STAU2: variants seen among roughly 807,000 people sequenced by gnomAD.
STAU2 encodes double-stranded RNA-binding protein Staufen homolog 2.
Under a neutral mutation model 65.9 loss-of-function variants are expected in STAU2, and 20 were observed. The ratio of observed to expected loss-of-function variants is 0.30; its 90% CI spans 0.21 to 0.44. STAU2 has a LOEUF of 0.44. Ranked by LOEUF, STAU2 falls within the 20% of genes least tolerant of loss-of-function variation. The pLI is 1.00. For missense variants in STAU2, 558 were observed against 683.9 expected, an observed-to-expected ratio of 0.82 and a Z score of 2.05; for synonymous variants, 232 against 233.9, an observed-to-expected ratio of 0.99 and a Z score of 0.07.
intron 13 of STAU2, among the ~76,000 whole-genome samples, chr8:73,496,500 T>C (rs189432471): frequency 2.0e-4 from 31 of 151,822 alleles, no homozygotes; most frequent in African/African-American, 5.3e-4. Context: ...TTATAAGTTG[T>C]ACATGTTTAG....
At chr8:73,677,983 C>CTTGCTTTACATTATATGCCT (rs889631144) in intron 5 of STAU2, among the ~76,000 whole-genome samples, 3 of 152,110 alleles carry the variant, frequency 2.0e-5, no homozygotes, top group South Asian at 2.1e-4. Context: ...ATTAACTGCT[C>CTTGCTTTACATTATATGCCT]TTGCTTTACA....
At chr8:73,684,142 C>T (rs927705373) in intron 5 of STAU2, among the ~76,000 whole-genome samples, 3 of 152,078 alleles carry the variant, frequency 2.0e-5, no homozygotes, top group Non-Finnish European at 4.4e-5. Context: ...AAAGAGCCCA[C>T]ATAACTAAAG....
At chr8:73,692,883 G>T (rs1048172293) in intron 4 of STAU2, among the ~76,000 whole-genome samples, 2 of 152,232 alleles carry the variant, frequency 1.3e-5, no homozygotes, top group African/African-American at 4.8e-5. Flanking sequence ...GTTACAGCCA[G>T]GTGTGGTGGC....
chr8:73,558,357 G>A (rs139363022), intron 12 of STAU2, among the ~76,000 whole-genome samples: 12 of 152,156 alleles, frequency 7.9e-5, no homozygotes, highest in African/African-American at 2.7e-4. Flanking sequence ...AGTTGCCAGG[G>A]ACTGTGATAT....
At chr8:73,615,541 T>C in intron 8 of STAU2, 134 bp downstream of exon 8, 1 of 621,274 alleles carries the variant, frequency 1.6e-6, no homozygotes, top group Non-Finnish European at 2.8e-6. Flanking sequence ...CCTAGATCAT[T>C]TCATAATACT....
chr8:73,603,103 A>T lies in STAU2; in HGVS notation c.1029+623T>A, dbSNP rs200456873. Among the ~76,000 whole-genome samples, 33 of 152,326 alleles carry T rather than the reference A, an allele frequency of 2.2e-4. No individual in the cohort carries two copies. In the East Asian group the frequency reaches 4.0e-3, roughly 19 times the overall value. On this transcript the variant is annotated intron_variant, in intron 10 of 14. Transcript: ENST00000524300. Reference sequence around the variant, plus strand: ...AAAAAAGTAAAAGAAAAATTTCTTAAGACTGGAGTTTGAGCTGGCAAATGA... The same window carrying T: ...AAAAAAGTAAAAGAAAAATTTCTTATGACTGGAGTTTGAGCTGGCAAATGA...
intron 6 of STAU2, among the ~76,000 whole-genome samples, chr8:73,649,280 C>T (rs569099969): frequency 6.6e-6 from 1 of 152,244 alleles, no homozygotes; most frequent in East Asian, 1.9e-4. Flanking sequence ...CAATAAGTGG[C>T]ATTTTTCCAA....
chr8:73,464,455 T>C (rs1563607632), intron 13 of STAU2, among the ~76,000 whole-genome samples: 1 of 152,220 alleles, frequency 6.6e-6, no homozygotes. Flanking sequence ...AATCTTGAAA[T>C]ATTCTTTGAA....
At chr8:73,590,986 C>T (rs1190243577) in intron 11 of STAU2, 2 of 152,118 alleles carry the variant, frequency 1.3e-5, no homozygotes, top group African/African-American at 2.4e-5. Flanking sequence ...TGAGAGAATG[C>T]ACTGCCTACA....
chr8:73,736,576 C>T (rs1806442109), intron 3 of STAU2, among the ~76,000 whole-genome samples: 1 of 152,182 alleles, frequency 6.6e-6, no homozygotes, highest in African/African-American at 2.4e-5. Flanking sequence ...CAGAGGAAAT[C>T]TGTGCAAATC....
intron 4 of STAU2, among the ~76,000 whole-genome samples, chr8:73,692,268 T>G (rs59122620): frequency 0.28 from 41,789 of 151,440 alleles, 6,267 homozygotes; most frequent in East Asian, 0.46. Context: ...CACAATCTCG[T>G]CTCATTGCAA....
intron 6 of STAU2, among the ~76,000 whole-genome samples, chr8:73,666,229 C>CA (rs1241623682): frequency 6.6e-6 from 1 of 152,110 alleles, no homozygotes; most frequent in Non-Finnish European, 1.5e-5. Flanking sequence ...AATAGCACAC[C>CA]AACATCACAA....
chr8:73,511,630 T>A (rs145939578), intron 13 of STAU2: 116 of 153,080 alleles, frequency 7.6e-4, no homozygotes, highest in African/African-American at 2.5e-3. Flanking sequence ...TGCACTTGTC[T>A]TTGCCCACAA....
chr8:73,577,257 T>C (rs566024517), intron 12 of STAU2, among the ~76,000 whole-genome samples: 1 of 151,956 alleles, frequency 6.6e-6, no homozygotes, highest in South Asian at 2.1e-4. Context: ...TGAAACCCCG[T>C]CTCTACTAAA....
In STAU2 at chr8:73,421,357, G is replaced by A. The variant is rs1816357550; in HGVS notation, c.*15C>T. Reference sequence around the variant, plus strand: ...TTTATAAGGATGCGGTGGCAGCCGCGGGTTCTGGGAGCTGCTAGACGGCCG... The same window carrying A: ...TTTATAAGGATGCGGTGGCAGCCGCAGGTTCTGGGAGCTGCTAGACGGCCG... On this transcript the variant is annotated 3_prime_UTR_variant, in exon 15 of 15. Coordinates refer to ENST00000524300, the MANE Select transcript of STAU2 (RefSeq NM_001164380.2). The A allele has an allele frequency of 4.6e-6, 7 of 1,536,762 alleles. No homozygotes were observed. In the East Asian group the frequency reaches 7.3e-5, roughly 16 times the overall value.
intron 3 of STAU2, among the ~76,000 whole-genome samples, chr8:73,728,224 C>T (rs1805790304): frequency 6.6e-6 from 1 of 152,154 alleles, no homozygotes; most frequent in Non-Finnish European, 1.5e-5. Context: ...ATCATCCTGG[C>T]ATGTTTGTTA....
At chr8:73,429,007 A>G (rs1437701009) in intron 13 of STAU2, among the ~76,000 whole-genome samples, 1 of 152,218 alleles carries the variant, frequency 6.6e-6, no homozygotes, top group Non-Finnish European at 1.5e-5. Flanking sequence ...ATGGATTTTC[A>G]GAATTCTTGC....
intron 6 of STAU2, among the ~76,000 whole-genome samples, chr8:73,664,093 G>C (rs1817053324): frequency 1.3e-5 from 2 of 152,186 alleles, no homozygotes; most frequent in Admixed American, 1.3e-4. Flanking sequence ...TCACTGCGTT[G>C]CCTAGGCTGG....
chr8:73,615,929 C>A, intron 7 of STAU2, 147 bp from the exon 8 acceptor site: 1 of 543,984 alleles, frequency 1.8e-6, no homozygotes. Flanking sequence ...GTAACCACAG[C>A]GGTCAAGGGC....
Sources: allele counts gnomAD v4.1 joint callset (sites outside exome capture counted in the v4.1 genomes callset), GRCh38; gene constraint gnomAD v4.1.1; transcripts MANE v1.5; gene names NCBI Gene and HGNC (gene_info 2026-07-23, HGNC 2026-07-21).